KCNK5: variants seen among roughly 807,000 people sequenced by gnomAD.
KCNK5 encodes potassium channel subfamily K member 5.
A neutral mutation model predicts 32.9 loss-of-function variants in KCNK5; 18 were observed. The ratio of observed to expected loss-of-function variants is 0.55; its 90% CI spans 0.38 to 0.81. KCNK5 has a LOEUF of 0.81. Among genes scored for constraint, KCNK5 ranks in the 30% least tolerant of loss-of-function variants. The probability of loss-of-function intolerance (pLI) is 0.00; values close to 1 mark genes in which losing one functional copy is unlikely to be tolerated. For synonymous variants in KCNK5, 276 were observed against 275.3 expected, an observed-to-expected ratio of 1.00 and a Z score of -0.03; for missense variants, 507 against 651.0, an observed-to-expected ratio of 0.78 and a Z score of 2.41.
chr6:39,214,120 C>T (rs892906650), intron 1 of KCNK5, among the ~76,000 whole-genome samples: 4 of 152,116 alleles, frequency 2.6e-5, no homozygotes, highest in African/African-American at 9.7e-5. Context: ...TCAGAGCATT[C>T]CAAAAAGAGA....
rs1457077835 is a variant in KCNK5 at position 39,229,361 on chromosome 6, G to A, written c.-250C>T. ...TGGGCGAACACCAGCGGGGCTGAAAGGGCGCCCTGGACCGCGGATGCGTAA... is the reference window on the plus strand; with the variant it reads ...TGGGCGAACACCAGCGGGGCTGAAAAGGCGCCCTGGACCGCGGATGCGTAA... On this transcript the variant is annotated 5_prime_UTR_variant, in exon 1 of 5. Coordinates refer to ENST00000359534, the MANE Select transcript of KCNK5 (RefSeq NM_003740.4). The A allele has an allele frequency of 3.6e-6, 2 of 551,582 alleles. No individual in the cohort carries two copies. Among genetic ancestry groups the A allele is most frequent in the Non-Finnish European group, 6.5e-6 (2 of 306,896 alleles). 34.2% of individuals were successfully genotyped at this position (551,582 alleles called of 1,614,324 possible).
At chr6:39,200,872 C>T (rs1476328276) in intron 1 of KCNK5, among the ~76,000 whole-genome samples, 1 of 152,218 alleles carries the variant, frequency 6.6e-6, no homozygotes, top group Non-Finnish European at 1.5e-5. Context: ...GCATCCCCTT[C>T]CTGGAGAGAG....
chr6:39,218,175 A>C (rs1344971497), intron 1 of KCNK5, among the ~76,000 whole-genome samples: 1 of 150,236 alleles, frequency 6.7e-6, no homozygotes, highest in Admixed American at 6.7e-5. Context: ...GGTTCAAGCG[A>C]TTCTCCTGCC....
intron 1 of KCNK5, among the ~76,000 whole-genome samples, chr6:39,228,536 G>A (rs912217858): frequency 4.1e-4 from 62 of 152,292 alleles, no homozygotes; most frequent in African/African-American, 1.5e-3. Flanking sequence ...GACACGAGGG[G>A]ATGGCACCAG....
Position 39,199,487 on chromosome 6 carries a change from G to A in KCNK5, c.187-3500C>T, listed in dbSNP as rs575995504. On this transcript the variant is annotated intron_variant, in intron 1 of 4. Coordinates refer to ENST00000359534, the MANE Select transcript of KCNK5 (RefSeq NM_003740.4). ...CCTCTGTGGTTGCCCAACAAGGGGC[G>A]GGCAAAGGAGGCACTGGAGAGAGCC... 8.5e-5 allele frequency among the ~76,000 whole-genome samples: 13 copies of A among 152,286 alleles called. No individual in the cohort carries two copies. In the South Asian group the frequency reaches 2.5e-3, roughly 29 times the overall value.
In KCNK5 at chr6:39,190,775, C is replaced by T; in HGVS notation, c.*115G>A. The T allele has an allele frequency of 1.8e-6, 2 of 1,094,434 alleles. No homozygotes were observed. Among genetic ancestry groups the T allele is most frequent in the Non-Finnish European group, 2.5e-6 (2 of 806,452 alleles). 67.8% of individuals were successfully genotyped at this position (1,094,434 alleles called of 1,614,324 possible). A position where few individuals can be genotyped will look rare whatever the true frequency, so the allele number is the denominator to read the frequency against. ...GGTTAGGAAGGCCCCTGGCCCCCCA[C>T]TCCCAGTTCCGAGGCTGCCCCCCCA... On this transcript the variant is annotated 3_prime_UTR_variant, in exon 5 of 5. Coordinates refer to ENST00000359534, the MANE Select transcript of KCNK5 (RefSeq NM_003740.4).
intron 4 of KCNK5, among the ~76,000 whole-genome samples, chr6:39,192,991 GCT>G (rs1482787120): frequency 2.0e-5 from 3 of 152,158 alleles, no homozygotes; most frequent in Non-Finnish European, 4.4e-5. Context: ...TGTTAATCCT[GCT>G]CAAGGCTCTC....
chr6:39,215,940 C>T (rs1208476807), intron 1 of KCNK5, among the ~76,000 whole-genome samples: 1 of 152,204 alleles, frequency 6.6e-6, no homozygotes, highest in Non-Finnish European at 1.5e-5. Flanking sequence ...AGTTAACAAC[C>T]CCACCTCTGA....
rs186688991 is a variant in KCNK5 at position 39,216,980 on chromosome 6, G to A, written c.186+11946C>T. ...CTACTAAAAATACAAACTTAGCTGGGTGTGGTGGCACATGCCTGTAATCCC... is the reference window on the plus strand; with the variant it reads ...CTACTAAAAATACAAACTTAGCTGGATGTGGTGGCACATGCCTGTAATCCC... On this transcript the variant is annotated intron_variant, in intron 1 of 4. Coordinates refer to ENST00000359534, the MANE Select transcript of KCNK5 (RefSeq NM_003740.4). Among the ~76,000 whole-genome samples, 288 of 151,976 alleles carry A rather than the reference G, an allele frequency of 1.9e-3. 3 individuals carry two copies. Among genetic ancestry groups the A allele is most frequent in the African/African-American group, 6.7e-3 (278 of 41,462 alleles).
chr6:39,224,153 G>A (rs2113799637), intron 1 of KCNK5, among the ~76,000 whole-genome samples: 1 of 148,306 alleles, frequency 6.7e-6, no homozygotes, highest in South Asian at 2.1e-4. Context: ...CCATTAGGAA[G>A]GGACCTCTTC....
chr6:39,212,015 C>T (rs954463094), intron 1 of KCNK5, among the ~76,000 whole-genome samples: 2 of 152,004 alleles, frequency 1.3e-5, no homozygotes, highest in Non-Finnish European at 2.9e-5. Context: ...AGGCCAGGCA[C>T]GGCGGCTCAG....
Position 39,194,038 on chromosome 6 carries a change from G to T in KCNK5, c.634+131C>A. 1.1e-6 allele frequency: 1 copy of T among 939,100 alleles called. No homozygotes were observed. The highest frequency in any genetic ancestry group is 1.7e-6 in the Non-Finnish European group (1 of 600,494). 58.2% of individuals were successfully genotyped at this position (939,100 alleles called of 1,614,324 possible). On this transcript the variant is annotated intron_variant, in intron 4 of 4. Transcript: ENST00000359534. This position sits in a 1 kb window ranked among gnomAD's most constrained non-coding sequence, Gnocchi z 4.7. ...GTTTCCTCTTGCAAATGGCAGAGTGGGTTGAGAATCCCACTGGGTAAGAGA... is the reference window on the plus strand; with the variant it reads ...GTTTCCTCTTGCAAATGGCAGAGTGTGTTGAGAATCCCACTGGGTAAGAGA...
Position 39,194,451 on chromosome 6 carries a change from G to C in KCNK5, c.466-114C>G, listed in dbSNP as rs1541816. 7.0e-7 allele frequency: 1 copy of C among 1,433,256 alleles called. No homozygotes were observed. The highest frequency in any genetic ancestry group is 1.4e-5 in the South Asian group (1 of 73,814). 88.8% of individuals were successfully genotyped at this position (1,433,256 alleles called of 1,614,324 possible). On this transcript the variant is annotated intron_variant, in intron 3 of 4. Coordinates refer to ENST00000359534, the MANE Select transcript of KCNK5 (RefSeq NM_003740.4). The surrounding 1 kb of genome is among the most constrained non-coding windows in gnomAD (Gnocchi z 4.7). ...GAGAAGCTAGCTGGGTACCCAGCCTGACCCGGGAGGGCAAGGAGCTCTGAA... is the reference window on the plus strand; with the variant it reads ...GAGAAGCTAGCTGGGTACCCAGCCTCACCCGGGAGGGCAAGGAGCTCTGAA...
intron 1 of KCNK5, among the ~76,000 whole-genome samples, chr6:39,212,185 AG>A (rs1771354769): frequency 6.6e-6 from 1 of 152,140 alleles, no homozygotes; most frequent in Non-Finnish European, 1.5e-5. Flanking sequence ...GCTACTCAGG[AG>A]GCTTGAGGCA....
intron 2 of KCNK5, among the ~76,000 whole-genome samples, chr6:39,195,141 C>T (rs1448376827): frequency 6.6e-6 from 1 of 152,206 alleles, no homozygotes; most frequent in Non-Finnish European, 1.5e-5. Flanking sequence ...TATGCAACTG[C>T]TCACATCAAG....
intron 1 of KCNK5, among the ~76,000 whole-genome samples, chr6:39,225,176 C>G (rs1019111269): frequency 1.3e-5 from 2 of 152,168 alleles, no homozygotes; most frequent in African/African-American, 4.8e-5. Context: ...TTTTCTCCAG[C>G]AGCTCGGAGT....
chr6:39,205,701 A>C (rs1365931120), intron 1 of KCNK5, among the ~76,000 whole-genome samples: 2 of 152,152 alleles, frequency 1.3e-5, no homozygotes, highest in Non-Finnish European at 2.9e-5. Flanking sequence ...TAGGGACAGG[A>C]AACAGTTTTA....
chr6:39,213,647 C>T (rs187818034), intron 1 of KCNK5, among the ~76,000 whole-genome samples: 219 of 152,206 alleles, frequency 1.4e-3, no homozygotes, highest in Middle Eastern at 0.014. Context: ...TGTGTATACA[C>T]GGGTGGGAAG....
At position 39,191,090 on chromosome 6, in the gene KCNK5, TCTC is replaced by T. The variant is rs1380549339; in HGVS notation, c.1297_1299del (p.Glu433del). ...TTGTCCTCTAGCGAGGACTTGGAGG[TCTC>T]CTCGTCTGAGAGGCCAGCCTCCGTG... is the stretch of plus-strand genomic sequence containing the variant. On this transcript the variant is annotated inframe_deletion, in exon 5 of 5. Coordinates refer to ENST00000359534, the MANE Select transcript of KCNK5 (RefSeq NM_003740.4). The surrounding 1 kb of genome is among the most constrained non-coding windows in gnomAD (Gnocchi z 5.8). 5.6e-6 allele frequency: 9 copies of T among 1,614,020 alleles called. No homozygotes were observed. The highest frequency in any genetic ancestry group is 7.6e-6 in the Non-Finnish European group (9 of 1,179,986).
Sources: allele counts gnomAD v4.1 joint callset (sites outside exome capture counted in the v4.1 genomes callset), GRCh38; gene constraint gnomAD v4.1.1; non-coding constraint Gnocchi (gnomAD v3.1); transcripts MANE v1.5; gene names NCBI Gene and HGNC (gene_info 2026-07-23, HGNC 2026-07-21).